ARPP21: variants seen among roughly 807,000 people sequenced by gnomAD.
ARPP21 encodes the protein cAMP regulated phosphoprotein 21, also known as cAMP-regulated phosphoprotein 21.
Under a neutral mutation model 113.2 loss-of-function variants are expected in ARPP21, and 69 were observed. That is an observed-to-expected ratio of 0.61 (90% CI 0.50 to 0.74). The LOEUF (loss-of-function observed/expected upper bound fraction) is 0.74, where lower values mean the gene tolerates loss of function less well. Among genes scored for constraint, ARPP21 ranks in the 30% least tolerant of loss-of-function variants. The pLI, the probability that ARPP21 is intolerant of heterozygous loss-of-function variation, is 0.00. For missense variants in ARPP21, 1,070 were observed against 1,037.4 expected, an observed-to-expected ratio of 1.03 and a Z score of -0.43; for synonymous variants, 368 against 375.5, an observed-to-expected ratio of 0.98 and a Z score of 0.23.
At chr3:35,705,786 T>A (rs1415168151) in intron 9 of ARPP21, among the ~76,000 whole-genome samples, 1 of 152,220 alleles carries the variant, frequency 6.6e-6, no homozygotes, top group East Asian at 1.9e-4. Flanking sequence ...TTATACTCAG[T>A]TAAAAAAACT....
chr3:35,777,577 A>C (rs147661761), intron 19 of ARPP21, among the ~76,000 whole-genome samples: 1 of 152,348 alleles, frequency 6.6e-6, no homozygotes, highest in African/African-American at 2.4e-5. Flanking sequence ...TTATGGCTAA[A>C]TGTACTAAAC....
chr3:35,765,235 A>G (rs924734505), intron 19 of ARPP21, among the ~76,000 whole-genome samples: 5 of 152,130 alleles, frequency 3.3e-5, no homozygotes, highest in Admixed American at 2.6e-4. Context: ...CAAGGTTTAC[A>G]TCTGTCAAAA....
intron 19 of ARPP21, among the ~76,000 whole-genome samples, chr3:35,759,670 C>CTGTGTGTGTG (rs1309706417): frequency 8.4e-6 from 1 of 119,128 alleles, no homozygotes; most frequent in Non-Finnish European, 2.0e-5. Context: ...CTTTCATTTT[C>CTGTGTGTGTG]TCTCTCTGTG....
At chr3:35,787,711 T>C (rs1395210603) in intron 19 of ARPP21, among the ~76,000 whole-genome samples, 1 of 152,228 alleles carries the variant, frequency 6.6e-6, no homozygotes, top group Non-Finnish European at 1.5e-5. Context: ...TCTTTTTTAC[T>C]TAATTGTTTT....
At chr3:35,745,840 A>G (rs1296146516) in intron 19 of ARPP21, among the ~76,000 whole-genome samples, 1 of 152,168 alleles carries the variant, frequency 6.6e-6, no homozygotes, top group Non-Finnish European at 1.5e-5. Context: ...CACTGGCTCC[A>G]CCTACATTCC....
At chr3:35,736,691 GAT>G (rs1163179996) in intron 15 of ARPP21, among the ~76,000 whole-genome samples, 1 of 152,196 alleles carries the variant, frequency 6.6e-6, no homozygotes, top group Non-Finnish European at 1.5e-5. Flanking sequence ...TGGAAGAACT[GAT>G]AATGATTCTG....
chr3:35,737,260 G>C lies in ARPP21; in HGVS notation c.1542G>C (p.Val514=), dbSNP rs2094415067. ...TSQQPLRSAM[V]GQSQQQPPQQ... ...AGCAGCCCCTGCGAAGCGCCATGGT[G>C]GGGCAGTCCCAACAGCAGCCACCAC... is the stretch of plus-strand genomic sequence containing the variant. Residue 514 remains valine, a synonymous_variant, in exon 16 of 21, where the codon GTG becomes GTC. Coordinates refer to ENST00000684406, the MANE Select transcript of ARPP21 (RefSeq NM_001385562.1). 2 of 1,612,796 alleles carry C rather than the reference G, an allele frequency of 1.2e-6. No individual in the cohort carries two copies. Among genetic ancestry groups the C allele is most frequent in the African/African-American group, 2.7e-5 (2 of 75,030 alleles).
chr3:35,718,141 A>G (rs1576255869), intron 13 of ARPP21, among the ~76,000 whole-genome samples: 1 of 152,334 alleles, frequency 6.6e-6, no homozygotes, highest in East Asian at 1.9e-4. Flanking sequence ...GAAAGAAAAT[A>G]CTAAGAAAAT....
intron 13 of ARPP21, among the ~76,000 whole-genome samples, chr3:35,718,093 A>G (rs1440297955): frequency 6.6e-6 from 1 of 152,204 alleles, no homozygotes; most frequent in East Asian, 1.9e-4. Context: ...TGCAGGAATT[A>G]CTACAAGAAC....
intron 1 of ARPP21, among the ~76,000 whole-genome samples, chr3:35,665,252 A>T (rs1213338403): frequency 6.6e-6 from 1 of 152,180 alleles, no homozygotes; most frequent in Admixed American, 6.5e-5. Flanking sequence ...TATGTAGATA[A>T]ATATAAAGGA....
intron 9 of ARPP21, 31 bp downstream of exon 9, chr3:35,691,036 T>A: frequency 6.3e-7 from 1 of 1,582,972 alleles, no homozygotes; most frequent in Non-Finnish European, 8.6e-7. Flanking sequence ...TATTTAGCAT[T>A]TTCTTTTTCT....
intron 19 of ARPP21, chr3:35,744,362 G>T: frequency 2.5e-6 from 1 of 401,598 alleles, no homozygotes. Context: ...CGTGCTAAAA[G>T]ATACTGCCTT....
At chr3:35,699,639 G>A (rs1344089895) in intron 9 of ARPP21, among the ~76,000 whole-genome samples, 1 of 151,418 alleles carries the variant, frequency 6.6e-6, no homozygotes, top group African/African-American at 2.4e-5. Flanking sequence ...CACCTTCTGG[G>A]CTTCAAGCCA....
chr3:35,791,524 G>A (rs763033196), intron 19 of ARPP21, among the ~76,000 whole-genome samples: 46 of 151,626 alleles, frequency 3.0e-4, no homozygotes, highest in Admixed American at 6.6e-5. Context: ...AAGAACAATC[G>A]ACAGGCTTCC....
chr3:35,684,249 T>G, intron 5 of ARPP21: 2 of 1,248,418 alleles, frequency 1.6e-6, no homozygotes, highest in East Asian at 3.2e-5. Context: ...CATATGAAAC[T>G]TAGGAAATAG....
intron 5 of ARPP21, 148 bp downstream of exon 5, chr3:35,683,963 C>A: frequency 1.6e-6 from 2 of 1,288,616 alleles, no homozygotes; most frequent in Non-Finnish European, 1.1e-6. Context: ...CCTGCTTATG[C>A]AACATTCTAA....
At chr3:35,716,098 A>T (rs1398973833) in intron 12 of ARPP21, among the ~76,000 whole-genome samples, 1 of 152,122 alleles carries the variant, frequency 6.6e-6, no homozygotes. Context: ...TGATAAGAGC[A>T]AAAATTTTTC....
intron 1 of ARPP21, among the ~76,000 whole-genome samples, chr3:35,677,576 A>G (rs1209176255): frequency 1.3e-5 from 2 of 151,808 alleles, no homozygotes; most frequent in Non-Finnish European, 1.5e-5. Flanking sequence ...CCTTCTCTAA[A>G]TGCTACCCAT....
Position 35,687,817 on chromosome 3 carries a change from GA to G in ARPP21, c.345del (p.Glu116LysfsTer32), listed in dbSNP as rs1559620004. 6.2e-7 allele frequency: 1 copy of G among 1,603,496 alleles called. No homozygotes were observed. The highest frequency in any genetic ancestry group is 2.2e-5 in the East Asian group (1 of 44,552). On this transcript the variant is annotated frameshift_variant, in exon 6 of 21. Transcript: ENST00000684406. LOFTEE classifies it high-confidence loss of function. Reference sequence around the variant, plus strand: ...ATCTAGGAAAGATGACTCTGAAAGAGAAAAAGAAAAGGATAAAAACAAAGAT... The same window carrying G: ...ATCTAGGAAAGATGACTCTGAAAGAGAAAAGAAAAGGATAAAAACAAAGAT... ...DKSRKDDSER[E>X]KEKDKNKDKT...
Sources: allele counts gnomAD v4.1 joint callset (sites outside exome capture counted in the v4.1 genomes callset), GRCh38; gene constraint gnomAD v4.1.1; transcripts MANE v1.5; gene names NCBI Gene and HGNC (gene_info 2026-07-23, HGNC 2026-07-21).